Variants in CA10 observed in about 807,000 individuals in gnomAD.
CA10 encodes the protein carbonic anhydrase 10 (inactive).
Under a neutral mutation model 44.2 loss-of-function variants are expected in CA10, and 14 were observed. That is an observed-to-expected ratio of 0.32 (90% CI 0.21 to 0.50). CA10 has a LOEUF of 0.50. Ranked by LOEUF, CA10 falls within the 20% of genes least tolerant of loss-of-function variation. The pLI is 0.99. For missense variants in CA10, 350 were observed against 409.7 expected, an observed-to-expected ratio of 0.85 and a Z score of 1.26; for synonymous variants, 159 against 141.6, an observed-to-expected ratio of 1.12 and a Z score of -0.87.
intron 1 of CA10, among the ~76,000 whole-genome samples, chr17:52,126,222 G>A (rs1989116139): frequency 6.6e-6 from 1 of 152,122 alleles, no homozygotes; most frequent in Admixed American, 6.5e-5. Flanking sequence ...CTAAAATGGT[G>A]CTAATAATAT....
intron 3 of CA10, among the ~76,000 whole-genome samples, chr17:51,812,103 T>G (rs971841890): frequency 2.0e-5 from 3 of 152,178 alleles, no homozygotes; most frequent in Admixed American, 2.0e-4. Flanking sequence ...ATGGCACCGC[T>G]AAAAGGTTGC....
At chr17:51,655,920 G>T (rs1020714023) in intron 4 of CA10, among the ~76,000 whole-genome samples, 1 of 152,190 alleles carries the variant, frequency 6.6e-6, no homozygotes, top group African/African-American at 2.4e-5. Context: ...AAAGGCAACC[G>T]CAGGCCAGGC....
chr17:51,967,311 A>G (rs1437602295), intron 2 of CA10, among the ~76,000 whole-genome samples: 1 of 147,710 alleles, frequency 6.8e-6, no homozygotes, highest in East Asian at 2.0e-4. Context: ...ACTACAATTC[A>G]GTCAACAATT....
At chr17:51,707,473 G>A (rs1256933664) in intron 4 of CA10, among the ~76,000 whole-genome samples, 1 of 152,170 alleles carries the variant, frequency 6.6e-6, no homozygotes, top group African/African-American at 2.4e-5. Flanking sequence ...CAGGTTGCCA[G>A]AAATATCTCT....
intron 3 of CA10, among the ~76,000 whole-genome samples, chr17:51,752,304 T>A: frequency 6.6e-6 from 1 of 151,338 alleles, no homozygotes; most frequent in East Asian, 1.9e-4. Context: ...TTCAATGAAC[T>A]ATTTGGGTGC....
intron 2 of CA10, among the ~76,000 whole-genome samples, chr17:51,940,696 C>T (rs550675119): frequency 1.3e-5 from 2 of 151,392 alleles, no homozygotes; most frequent in African/African-American, 4.8e-5. Flanking sequence ...AAAAAAAACA[C>T]CCTGGCAAGT....
chr17:51,900,209 A>G (rs1036559297), intron 3 of CA10, among the ~76,000 whole-genome samples: 1 of 152,164 alleles, frequency 6.6e-6, no homozygotes, highest in Admixed American at 6.5e-5. Flanking sequence ...AGGACCTCTT[A>G]TAAGGCAGGT....
At chr17:51,797,703 A>T (rs1393465840) in intron 3 of CA10, among the ~76,000 whole-genome samples, 2 of 151,888 alleles carry the variant, frequency 1.3e-5, no homozygotes, top group Non-Finnish European at 2.9e-5. Flanking sequence ...AAAATACAAA[A>T]ATTAGCCGGG....
At chr17:51,961,580 G>A (rs961575997) in intron 2 of CA10, among the ~76,000 whole-genome samples, 3 of 152,144 alleles carry the variant, frequency 2.0e-5, no homozygotes, top group Non-Finnish European at 4.4e-5. Context: ...TGACCAAAGA[G>A]AGAAGTAGCA....
chr17:52,040,144 T>C (rs1181095478), intron 2 of CA10, among the ~76,000 whole-genome samples: 5 of 115,410 alleles, frequency 4.3e-5, no homozygotes, highest in Admixed American at 7.9e-5. Context: ...TTCTTTTTTT[T>C]CTTTTTTTTT....
chr17:52,100,026 A>G (rs896737332), intron 1 of CA10, among the ~76,000 whole-genome samples: 1 of 152,206 alleles, frequency 6.6e-6, no homozygotes, highest in Non-Finnish European at 1.5e-5. Flanking sequence ...GGACGTAAAA[A>G]TAATGATTGT....
chr17:51,939,208 GTCCC>G (rs1982984009), intron 2 of CA10, among the ~76,000 whole-genome samples: 1 of 152,046 alleles, frequency 6.6e-6, no homozygotes, highest in Non-Finnish European at 1.5e-5. Context: ...TGCCATGGAT[GTCCC>G]TCCATGTCCA....
intron 4 of CA10, among the ~76,000 whole-genome samples, chr17:51,735,904 A>G (rs1186811753): frequency 2.8e-5 from 3 of 105,832 alleles, no homozygotes; most frequent in African/African-American, 9.0e-5. Flanking sequence ...AGTGATTGCA[A>G]ATCAGTGATT....
chr17:52,026,889 C>T (rs1469871175), intron 2 of CA10, among the ~76,000 whole-genome samples: 2 of 151,946 alleles, frequency 1.3e-5, no homozygotes, highest in Non-Finnish European at 2.9e-5. Flanking sequence ...CACGAGGAAC[C>T]AGTTTTGTGG....
Position 51,831,663 on chromosome 17 carries a change from G to C in CA10, c.280-83845C>G, listed in dbSNP as rs1908245141. Among the ~76,000 whole-genome samples, 3 of 149,720 alleles carry C rather than the reference G, an allele frequency of 2.0e-5. No homozygotes were observed. In the East Asian group the frequency reaches 5.9e-4, roughly 29 times the overall value. ...AAAATGGATTGTTCCAAGGAGAAAA[G>C]AAAAAGCAGCAGCAGCAGCAGCAGC... On this transcript the variant is annotated intron_variant, in intron 3 of 8. Coordinates refer to ENST00000451037, the MANE Select transcript of CA10 (RefSeq NM_020178.5).
intron 4 of CA10, among the ~76,000 whole-genome samples, chr17:51,727,047 G>A (rs1391842202): frequency 6.6e-6 from 1 of 152,164 alleles, no homozygotes; most frequent in African/African-American, 2.4e-5. Flanking sequence ...TTGTCTCAAT[G>A]CCACCCACTC....
intron 3 of CA10, among the ~76,000 whole-genome samples, chr17:51,840,478 TACACACACACACACACAC>T (rs3033576): frequency 3.4e-5 from 5 of 146,726 alleles, no homozygotes; most frequent in East Asian, 2.0e-4. Context: ...CAACCTTTAA[TACACACACACACACACAC>T]ACACACACAC....
intron 2 of CA10, among the ~76,000 whole-genome samples, chr17:52,018,089 T>A (rs1026959529): frequency 9.9e-5 from 15 of 151,754 alleles, no homozygotes; most frequent in Admixed American, 8.5e-4. Context: ...TTTCAGAGGA[T>A]GTATGGGAAA....
chr17:52,014,732 T>C (rs1467313553), intron 2 of CA10, among the ~76,000 whole-genome samples: 1 of 151,538 alleles, frequency 6.6e-6, no homozygotes, highest in Non-Finnish European at 1.5e-5. Context: ...TCCAGAACTC[T>C]GTCACTTTGA....
Sources: allele counts gnomAD v4.1 joint callset (sites outside exome capture counted in the v4.1 genomes callset), GRCh38; gene constraint gnomAD v4.1.1; transcripts MANE v1.5; gene names NCBI Gene and HGNC (gene_info 2026-07-23, HGNC 2026-07-21).